The following SENP7 variants were observed in gnomAD, a reference collection of about 807,000 sequenced individuals.
SENP7 encodes the protein sentrin-specific protease 7.
A neutral mutation model predicts 141.2 loss-of-function variants in SENP7; 64 were observed. The observed-to-expected ratio is 0.45, with a 90% CI of 0.37 to 0.56. The LOEUF (loss-of-function observed/expected upper bound fraction) is 0.56, where lower values mean the gene tolerates loss of function less well. Among genes scored for constraint, SENP7 ranks in the 20% least tolerant of loss-of-function variants. The pLI, the probability that SENP7 is intolerant of heterozygous loss-of-function variation, is 0.00. For synonymous variants in SENP7, 382 were observed against 426.4 expected (o/e 0.90, Z 1.28); for missense variants, 1,025 against 1,212.2 (o/e 0.85, Z 2.29).
At chr3:101,395,851 T>A (rs9813887) in intron 6 of SENP7, among the ~76,000 whole-genome samples, 60,367 of 151,852 alleles carry the variant, frequency 0.4, 12,508 homozygotes, top group Admixed American at 0.54. Context: ...AATATCCTTT[T>A]ATAATACTTC....
intron 6 of SENP7, among the ~76,000 whole-genome samples, chr3:101,384,518 T>C (rs2060596591): frequency 6.6e-6 from 1 of 152,218 alleles, no homozygotes. Flanking sequence ...TGGAAGCCAC[T>C]TGCAGTACGA....
Position 101,423,165 on chromosome 3 carries a change from T to A in SENP7, c.285-5375A>T, listed in dbSNP as rs571039542. Among the ~76,000 whole-genome samples, 3 of 152,186 alleles carry A rather than the reference T, an allele frequency of 2.0e-5. No individual in the cohort carries two copies. The South Asian group carries it at 6.2e-4, about 32-fold the overall frequency. ...AAAATGCACAAATGGCCAACATGCA[T>A]ACAAAAAGACATTCAATATCATTAA... is the stretch of plus-strand genomic sequence containing the variant. On this transcript the variant is annotated intron_variant, in intron 4 of 23. Coordinates refer to ENST00000394095, the MANE Select transcript of SENP7 (RefSeq NM_020654.5).
At chr3:101,370,122 T>C (rs1192243887) in intron 7 of SENP7, among the ~76,000 whole-genome samples, 1 of 152,228 alleles carries the variant, frequency 6.6e-6, no homozygotes, top group East Asian at 1.9e-4. Flanking sequence ...ACACTTTCCC[T>C]ACCAGTAGTG....
intron 5 of SENP7, among the ~76,000 whole-genome samples, chr3:101,404,118 C>A (rs2061231994): frequency 6.6e-6 from 1 of 152,052 alleles, no homozygotes; most frequent in South Asian, 2.1e-4. Context: ...CCAAGGCAAT[C>A]CTAAGCAAAA....
At chr3:101,441,839 G>T (rs553895956) in intron 4 of SENP7, among the ~76,000 whole-genome samples, 1 of 152,126 alleles carries the variant, frequency 6.6e-6, no homozygotes, top group South Asian at 2.1e-4. Flanking sequence ...CACAGTCTCC[G>T]TTAGAAACCA....
At chr3:101,404,089 C>G (rs560686526) in intron 5 of SENP7, among the ~76,000 whole-genome samples, 5 of 151,932 alleles carry the variant, frequency 3.3e-5, no homozygotes, top group Non-Finnish European at 7.4e-5. Context: ...CATATGGAAC[C>G]AAAAAGAACC....
At chr3:101,359,111 G>C (rs777741972) in intron 11 of SENP7, 2 of 151,974 alleles carry the variant, frequency 1.3e-5, no homozygotes, top group Non-Finnish European at 2.9e-5. Context: ...CCTTTATATG[G>C]TTGCCACACT....
intron 4 of SENP7, among the ~76,000 whole-genome samples, chr3:101,450,265 G>C (rs1324120296): frequency 6.6e-6 from 1 of 152,106 alleles, no homozygotes; most frequent in Admixed American, 6.6e-5. Context: ...ATAATAATGG[G>C]AGACTTTAAC....
intron 5 of SENP7, among the ~76,000 whole-genome samples, chr3:101,399,317 T>C (rs547570086): frequency 6.6e-6 from 1 of 152,242 alleles, no homozygotes; most frequent in Non-Finnish European, 1.5e-5. Context: ...ATGGATGCCA[T>C]TGAGAGGCTT....
At chr3:101,358,246 A>C in intron 11 of SENP7, 1 of 1,021,262 alleles carries the variant, frequency 9.8e-7, no homozygotes, top group Non-Finnish European at 1.4e-6. Context: ...CTCATACTAG[A>C]GAGAAACCTT....
At chr3:101,471,053 T>C (rs1423291348) in intron 3 of SENP7, among the ~76,000 whole-genome samples, 1 of 152,180 alleles carries the variant, frequency 6.6e-6, no homozygotes, top group African/African-American at 2.4e-5. Context: ...GGAGAATCAA[T>C]AGCATGAAAA....
intron 4 of SENP7, 21 bp downstream of exon 4, chr3:101,458,934 T>TCG: frequency 7.0e-7 from 1 of 1,420,896 alleles, no homozygotes; most frequent in Middle Eastern, 1.8e-4. Context: ...CCATACTATG[T>TCG]CGCACACACA....
chr3:101,341,660 A>G lies in SENP7; in HGVS notation c.2226T>C (p.Thr742=), dbSNP rs754345873. Residue 742 remains threonine (T), a synonymous_variant, in exon 15 of 24, where the codon ACT becomes ACC. Coordinates refer to ENST00000394095, the MANE Select transcript of SENP7 (RefSeq NM_020654.5). ...PDEEWREVRH[T]GLVQKLIVYP... ...ACAGTACATACTTCTGAACAAGTCC[A>G]GTGTGCCTGACTTCTCGCCATTCTT... The G allele has an allele frequency of 6.2e-6, 10 of 1,605,560 alleles. No individual in the cohort carries two copies. Among genetic ancestry groups the G allele is most frequent in the Non-Finnish European group, 8.5e-6 (10 of 1,173,848 alleles).
intron 12 of SENP7, among the ~76,000 whole-genome samples, chr3:101,350,628 T>C (rs994771103): frequency 7.2e-5 from 11 of 152,206 alleles, no homozygotes; most frequent in Middle Eastern, 6.8e-3. Context: ...ATATTAACTG[T>C]GAAAATCTAA....
intron 4 of SENP7, among the ~76,000 whole-genome samples, chr3:101,443,712 A>G (rs2062772900): frequency 7.5e-6 from 1 of 133,846 alleles, no homozygotes; most frequent in African/African-American, 3.0e-5. Flanking sequence ...CTTTGAAGCA[A>G]TTGTGAATGC....
chr3:101,470,458 T>A (rs1021425043), intron 3 of SENP7, among the ~76,000 whole-genome samples: 1 of 152,152 alleles, frequency 6.6e-6, no homozygotes, highest in African/African-American at 2.4e-5. Context: ...AAAACCTTCA[T>A]GCCAAAAACT....
chr3:101,455,618 C>T (rs892814433), intron 4 of SENP7, among the ~76,000 whole-genome samples: 8 of 152,024 alleles, frequency 5.3e-5, no homozygotes, highest in Non-Finnish European at 1.0e-4. Context: ...TGAGATCAAG[C>T]GAGGAATAAA....
rs1453952615 is a variant in SENP7 at position 101,493,875 on chromosome 3, G to T, written c.184C>A (p.Gln62Lys). 2 of 1,568,614 alleles carry T rather than the reference G, an allele frequency of 1.3e-6. No homozygotes were observed. Among genetic ancestry groups the T allele is most frequent in the Admixed American group, 3.4e-5 (2 of 59,654 alleles). ...AATAAATTAATTTTATTTACCACCT[G>T]CAAAGGGAGAGTCCAGCGTTCTGAG... ...RSSERWTLPL[Q>K]WERSLRNKVI... The change falls in exon 3 of 24, where the codon CAG (glutamine) becomes AAG (lysine). Residue 62 changes from glutamine to lysine, a missense_variant and splice_region_variant. Gln to Lys is a moderately conservative substitution (Grantham distance 53). Coordinates refer to ENST00000394095, the MANE Select transcript of SENP7 (RefSeq NM_020654.5).
intron 8 of SENP7, 60 bp from the exon 9 acceptor site, chr3:101,366,829 T>A (rs2107393698): frequency 1.9e-6 from 2 of 1,071,590 alleles, no homozygotes; most frequent in South Asian, 3.3e-5. Flanking sequence ...TTAAACCATT[T>A]TTAAATTCCT....
Sources: gnomAD v4.1 joint callset for allele counts (sites outside exome capture counted in the v4.1 genomes callset) on GRCh38, gnomAD v4.1.1 for gene constraint, MANE v1.5 for transcripts, NCBI Gene and HGNC (gene_info 2026-07-23, HGNC 2026-07-21) for gene names.